CCSER1: variants seen among roughly 807,000 people sequenced by gnomAD.
CCSER1 encodes serine-rich coiled-coil domain-containing protein 1.
CCSER1 carries 41 observed loss-of-function variants against 82.0 expected under a neutral mutation model. The ratio of observed to expected loss-of-function variants is 0.50; its 90% confidence interval spans 0.39 to 0.65. CCSER1 has a LOEUF of 0.65. Ranked by LOEUF, CCSER1 falls within the 30% of genes least tolerant of loss-of-function variation. The probability of loss-of-function intolerance (pLI) is 0.00; values close to 1 mark genes in which losing one functional copy is unlikely to be tolerated. For missense variants in CCSER1, 1,119 were observed against 1,064.2 expected (o/e 1.05, Z -0.72); for synonymous variants, 414 against 383.9 (o/e 1.08, Z -0.92).
At chr4:90,494,591 C>A (rs1224804715) in intron 5 of CCSER1, among the ~76,000 whole-genome samples, 3 of 152,130 alleles carry the variant, frequency 2.0e-5, no homozygotes, top group Non-Finnish European at 4.4e-5. Flanking sequence ...TACAAAATTT[C>A]TTTGAATCTC....
At chr4:90,191,227 G>A (rs944971589) in intron 1 of CCSER1, among the ~76,000 whole-genome samples, 2 of 151,864 alleles carry the variant, frequency 1.3e-5, no homozygotes, top group East Asian at 3.9e-4. Flanking sequence ...TTTAGCAGAA[G>A]AATTGATGAG....
chr4:91,122,462 A>G (rs1228128105), intron 10 of CCSER1, among the ~76,000 whole-genome samples: 2 of 151,656 alleles, frequency 1.3e-5, no homozygotes, highest in Non-Finnish European at 1.5e-5. Flanking sequence ...TCAGTAATAT[A>G]CAACCTGAAA....
intron 5 of CCSER1, among the ~76,000 whole-genome samples, chr4:90,597,211 C>A (rs1439542329): frequency 6.6e-6 from 1 of 151,850 alleles, no homozygotes; most frequent in Non-Finnish European, 1.5e-5. Flanking sequence ...AATACCGTAA[C>A]CTGCAGTAGG....
At chr4:91,347,562 A>G (rs1748143096) in intron 10 of CCSER1, among the ~76,000 whole-genome samples, 1 of 152,146 alleles carries the variant, frequency 6.6e-6, no homozygotes, top group African/African-American at 2.4e-5. Context: ...AGTTGGGAAG[A>G]ATTGAAATCT....
At chr4:91,467,296 A>C (rs1756972290) in intron 10 of CCSER1, among the ~76,000 whole-genome samples, 1 of 152,238 alleles carries the variant, frequency 6.6e-6, no homozygotes, top group African/African-American at 2.4e-5. Context: ...CTGGCTAGCC[A>C]TGTGTAGAAA....
At chr4:90,366,422 G>C (rs1034147871) in intron 3 of CCSER1, among the ~76,000 whole-genome samples, 3 of 151,736 alleles carry the variant, frequency 2.0e-5, no homozygotes, top group African/African-American at 7.3e-5. Context: ...ACAAAGTGAT[G>C]TTATAATTTA....
At chr4:90,673,581 G>T (rs1181792332) in intron 6 of CCSER1, among the ~76,000 whole-genome samples, 2 of 151,918 alleles carry the variant, frequency 1.3e-5, no homozygotes, top group East Asian at 1.9e-4. Flanking sequence ...GAGGCACATG[G>T]ATCCTTCTGC....
chr4:90,446,069 G>A (rs1004112085), intron 4 of CCSER1, among the ~76,000 whole-genome samples: 1 of 152,138 alleles, frequency 6.6e-6, no homozygotes, highest in African/African-American at 2.4e-5. Flanking sequence ...TTCACATGAA[G>A]TGGGATAGAA....
intron 1 of CCSER1, among the ~76,000 whole-genome samples, chr4:90,147,338 C>T (rs910924208): frequency 1.3e-5 from 2 of 152,128 alleles, no homozygotes; most frequent in Non-Finnish European, 2.9e-5. Context: ...TCAATGATTA[C>T]ACAGTTTGTT....
chr4:90,613,548 TC>T (rs1033997841), intron 5 of CCSER1, among the ~76,000 whole-genome samples: 1 of 152,178 alleles, frequency 6.6e-6, no homozygotes, highest in Non-Finnish European at 1.5e-5. Context: ...GATTCACACT[TC>T]TGGGAACCAT....
intron 3 of CCSER1, among the ~76,000 whole-genome samples, chr4:90,375,487 G>A (rs1349816391): frequency 6.6e-6 from 1 of 152,088 alleles, no homozygotes; most frequent in Non-Finnish European, 1.5e-5. Context: ...AGGAGGAAGG[G>A]CCATCCGTGA....
intron 5 of CCSER1, among the ~76,000 whole-genome samples, chr4:90,585,507 A>G (rs1056292296): frequency 2.8e-4 from 42 of 152,182 alleles, no homozygotes; most frequent in Non-Finnish European, 1.6e-4. Flanking sequence ...AAATGATTCA[A>G]TATACTCTAA....
At chr4:91,267,107 G>A (rs561869086) in intron 10 of CCSER1, among the ~76,000 whole-genome samples, 1 of 152,214 alleles carries the variant, frequency 6.6e-6, no homozygotes, top group Admixed American at 6.5e-5. Flanking sequence ...CAGTCTGAAT[G>A]TTAATTGGAG....
chr4:91,315,204 C>T (rs1745747953), intron 10 of CCSER1, among the ~76,000 whole-genome samples: 1 of 151,636 alleles, frequency 6.6e-6, no homozygotes, highest in East Asian at 2.0e-4. Flanking sequence ...TTCTTCTGGC[C>T]TCTCAGGAGG....
intron 9 of CCSER1, among the ~76,000 whole-genome samples, chr4:90,977,320 G>A (rs927036554): frequency 9.9e-5 from 15 of 151,380 alleles, no homozygotes; most frequent in African/African-American, 2.7e-4. Context: ...TTAAGCCATT[G>A]ACTAATTATG....
At chr4:90,213,057 A>G (rs75068291) in intron 1 of CCSER1, among the ~76,000 whole-genome samples, 1,780 of 152,292 alleles carry the variant, frequency 0.012, 22 homozygotes, top group African/African-American at 0.034. Flanking sequence ...AGTAAAGGTT[A>G]TGCGTGCTTT....
chr4:91,215,199 T>C (rs911808995), intron 10 of CCSER1, among the ~76,000 whole-genome samples: 1 of 152,188 alleles, frequency 6.6e-6, no homozygotes, highest in Non-Finnish European at 1.5e-5. Flanking sequence ...AAAGTTATTG[T>C]TATTCAGACA....
intron 3 of CCSER1, among the ~76,000 whole-genome samples, chr4:90,336,757 A>G (rs1158836119): frequency 6.6e-6 from 1 of 152,196 alleles, no homozygotes; most frequent in East Asian, 1.9e-4. Context: ...ATACTTTGCT[A>G]AAGTGAATCC....
intron 6 of CCSER1, among the ~76,000 whole-genome samples, chr4:90,712,539 G>A (rs572434554): frequency 1.3e-5 from 2 of 152,132 alleles, no homozygotes; most frequent in Admixed American, 1.3e-4. Flanking sequence ...ATTTGCTGAG[G>A]CGTGTTTTAC....
Sources: allele counts gnomAD v4.1 joint callset (sites outside exome capture counted in the v4.1 genomes callset), GRCh38; gene constraint gnomAD v4.1.1; transcripts MANE v1.5; gene names NCBI Gene and HGNC (gene_info 2026-07-23, HGNC 2026-07-21).